The following FOXN3 variants were observed in gnomAD, a reference collection of about 807,000 sequenced individuals.
FOXN3 encodes forkhead box N3, also known as forkhead box protein N3.
In FOXN3, 7 loss-of-function variants were observed where a neutral mutation model predicts 38.4. The ratio of observed to expected loss-of-function variants is 0.18; its 90% CI spans 0.10 to 0.34. The LOEUF is 0.34. Among genes scored for constraint, FOXN3 ranks in the 10% least tolerant of loss-of-function variants. The pLI is 1.00. For missense variants in FOXN3, 456 were observed against 613.4 expected (o/e 0.74, Z 2.71); for synonymous variants, 230 against 242.2 (o/e 0.95, Z 0.47).
At chr14:89,616,640 C>T (rs1306310542) in intron 1 of FOXN3, among the ~76,000 whole-genome samples, 1 of 151,072 alleles carries the variant, frequency 6.6e-6, no homozygotes, top group Non-Finnish European at 1.5e-5. Context: ...ATTATAACTT[C>T]CCCCGATGAA....
chr14:89,262,439 A>T lies in FOXN3; in HGVS notation c.745+18511T>A, dbSNP rs114312746. ...CAGACACATAGGAAATACTATTTAAACTACCTTGTTCCAAGAAAACAAGCT... is the reference window on the plus strand; with the variant it reads ...CAGACACATAGGAAATACTATTTAATCTACCTTGTTCCAAGAAAACAAGCT... On this transcript the variant is annotated intron_variant, in intron 4 of 5. Transcript: ENST00000557258. 8.3e-3 allele frequency among the ~76,000 whole-genome samples: 1,264 copies of T among 152,374 alleles called. 19 individuals carry two copies. Among genetic ancestry groups the T allele is most frequent in the African/African-American group, 0.029 (1,198 of 41,596 alleles).
At chr14:89,395,800 T>C (rs1332487423) in intron 2 of FOXN3, among the ~76,000 whole-genome samples, 1 of 152,092 alleles carries the variant, frequency 6.6e-6, no homozygotes, top group African/African-American at 2.4e-5. Context: ...CAATATAAGC[T>C]GATCTCTAAG....
chr14:89,350,216 A>G (rs1011543300), intron 3 of FOXN3: 2 of 152,644 alleles, frequency 1.3e-5, no homozygotes, highest in African/African-American at 4.8e-5. Flanking sequence ...CCACAACAAA[A>G]TGGTCACCTG....
In FOXN3 at chr14:89,540,336, C is replaced by T. The variant is rs138326334; in HGVS notation, c.-15+78692G>A. ...TTACCACTGTCCTCTAAAAGGCATG[C>T]TTAACATAGACCTAAAACTGAAGCA... On this transcript the variant is annotated intron_variant, in intron 1 of 6. Coordinates refer to the FOXN3 transcript ENST00000345097. Among the ~76,000 whole-genome samples, 530 of 152,272 alleles carry T rather than the reference C, an allele frequency of 3.5e-3. 3 individuals carry two copies. Among genetic ancestry groups the T allele is most frequent in the African/African-American group, 0.012 (491 of 41,576 alleles).
chr14:89,464,980 G>C (rs1472997513), intron 1 of FOXN3, among the ~76,000 whole-genome samples: 4 of 152,156 alleles, frequency 2.6e-5, no homozygotes, highest in Non-Finnish European at 5.9e-5. Flanking sequence ...GCAGGCGTGA[G>C]CCACCGCACC....
At chr14:89,305,632 C>T (rs1205126941) in intron 3 of FOXN3, among the ~76,000 whole-genome samples, 1 of 152,198 alleles carries the variant, frequency 6.6e-6, no homozygotes, top group Non-Finnish European at 1.5e-5. Context: ...TAGCTGTTGC[C>T]AGGCAACCAT....
intron 1 of FOXN3, among the ~76,000 whole-genome samples, chr14:89,478,898 C>T (rs913073497): frequency 8.7e-6 from 1 of 114,568 alleles, no homozygotes; most frequent in African/African-American, 3.3e-5. Context: ...AGCCATTGCA[C>T]TCCAGCCTGG....
intron 2 of FOXN3, among the ~76,000 whole-genome samples, chr14:89,368,262 G>A (rs183616701): frequency 8.4e-4 from 127 of 150,994 alleles, no homozygotes; most frequent in Middle Eastern, 3.5e-3. Context: ...CCCAGGAGGC[G>A]GAGGTTGCAG....
At chr14:89,277,100 T>C (rs540565498) in intron 4 of FOXN3, among the ~76,000 whole-genome samples, 2 of 152,176 alleles carry the variant, frequency 1.3e-5, no homozygotes, top group South Asian at 4.2e-4. Context: ...GAATGGAATA[T>C]GGGGGAGGGG....
chr14:89,341,519 A>C (rs370883525), intron 3 of FOXN3, among the ~76,000 whole-genome samples: 1 of 152,206 alleles, frequency 6.6e-6, no homozygotes, highest in African/African-American at 2.4e-5. Context: ...ATCTAATTAT[A>C]CTGCACCTCT....
At chr14:89,409,034 A>G (rs1596257700) in intron 2 of FOXN3, among the ~76,000 whole-genome samples, 1 of 152,160 alleles carries the variant, frequency 6.6e-6, no homozygotes, top group Non-Finnish European at 1.5e-5. Context: ...GGGAGCCTGC[A>G]CCTCTCACAG....
intron 1 of FOXN3, among the ~76,000 whole-genome samples, chr14:89,489,196 A>C (rs1893519422): frequency 6.6e-6 from 1 of 152,176 alleles, no homozygotes; most frequent in Admixed American, 6.5e-5. Flanking sequence ...CCTGAACCTC[A>C]GTTTTTCATC....
At chr14:89,387,763 G>A (rs1248665276) in intron 2 of FOXN3, among the ~76,000 whole-genome samples, 2 of 152,240 alleles carry the variant, frequency 1.3e-5, no homozygotes, top group African/African-American at 4.8e-5. Context: ...ACAGAAAGAA[G>A]AGGGAGGAGG....
At chr14:89,305,261 G>C (rs547200500) in intron 3 of FOXN3, among the ~76,000 whole-genome samples, 1 of 152,256 alleles carries the variant, frequency 6.6e-6, no homozygotes, top group African/African-American at 2.4e-5. Context: ...GACTTCAGAC[G>C]TTTATGCTGG....
intron 3 of FOXN3, among the ~76,000 whole-genome samples, chr14:89,332,461 T>A (rs7159689): frequency 0.18 from 28,034 of 152,190 alleles, 2,899 homozygotes; most frequent in South Asian, 0.3. Flanking sequence ...ATTTTCTTAA[T>A]GTCCCTCTTG....
chr14:89,368,617 G>A (rs1890224957), intron 2 of FOXN3, among the ~76,000 whole-genome samples: 1 of 152,216 alleles, frequency 6.6e-6, no homozygotes, highest in African/African-American at 2.4e-5. Context: ...CTGCACTCCG[G>A]CTTGGGTGAC....
At chr14:89,480,852 G>A (rs745787542) in intron 1 of FOXN3, among the ~76,000 whole-genome samples, 25 of 151,932 alleles carry the variant, frequency 1.6e-4, no homozygotes, top group African/African-American at 3.1e-4. Flanking sequence ...TTCTTTGTAC[G>A]TTTAGAAACC....
chr14:89,292,627 C>T (rs374408433), intron 3 of FOXN3, among the ~76,000 whole-genome samples: 216 of 152,340 alleles, frequency 1.4e-3, no homozygotes, highest in African/African-American at 4.9e-3. Flanking sequence ...AGACACAGTG[C>T]TCCTCTCCTC....
At chr14:89,360,119 C>T (rs968117646) in intron 2 of FOXN3, among the ~76,000 whole-genome samples, 3 of 152,116 alleles carry the variant, frequency 2.0e-5, no homozygotes, top group Admixed American at 1.3e-4. Context: ...CAGTTAATTC[C>T]CCGGGGCCCC....
Sources: gnomAD v4.1 joint callset for allele counts (sites outside exome capture counted in the v4.1 genomes callset) on GRCh38, gnomAD v4.1.1 for gene constraint, MANE v1.5 for transcripts, NCBI Gene and HGNC (gene_info 2026-07-23, HGNC 2026-07-21) for gene names.